Variants in PTGER3 observed in about 807,000 individuals in gnomAD.
PTGER3 encodes prostaglandin E receptor 3.
In PTGER3, 22 loss-of-function variants were observed where a neutral mutation model predicts 34.7. The ratio of observed to expected loss-of-function variants is 0.63; its 90% CI spans 0.45 to 0.91. PTGER3 has a LOEUF of 0.91. Among genes scored for constraint, PTGER3 ranks in the 40% least tolerant of loss-of-function variants. The pLI is 0.00. For synonymous variants in PTGER3, 241 were observed against 230.1 expected (o/e 1.05, Z -0.43); for missense variants, 468 against 519.4 (o/e 0.90, Z 0.96).
chr1:71,019,233 A>G lies in PTGER3; in HGVS notation c.898-6749T>C, dbSNP rs1013577983. On this transcript the variant is annotated intron_variant, in intron 1 of 3. Coordinates refer to ENST00000306666, the MANE Select transcript of PTGER3 (RefSeq NM_198719.2). ...GTCATACAAGGGAGAGGGACCAAAG[A>G]AAAAGCAGGATGCTCAGCTAACAGA... 5.3e-5 allele frequency among the ~76,000 whole-genome samples: 8 copies of G among 152,342 alleles called. No individual in the cohort carries two copies. In the East Asian group the frequency reaches 1.2e-3, roughly 22 times the overall value.
intron 4 of PTGER3, among the ~76,000 whole-genome samples, chr1:70,911,251 C>T (rs1647055055): frequency 6.6e-6 from 1 of 150,432 alleles, no homozygotes; most frequent in South Asian, 2.1e-4. Context: ...GATTGGAGAC[C>T]CTTTTCTTCA....
chr1:71,011,968 C>G, intron 2 of PTGER3: 1 of 1,316,714 alleles, frequency 7.6e-7, no homozygotes, highest in Non-Finnish European at 9.7e-7. Context: ...CATAATTAAT[C>G]ACATATTCAG....
chr1:70,940,776 A>C (rs892208161), intron 4 of PTGER3, among the ~76,000 whole-genome samples: 1 of 152,150 alleles, frequency 6.6e-6, no homozygotes, highest in African/African-American at 2.4e-5. Flanking sequence ...ATTCAAGTTG[A>C]TATTTGAGTG....
chr1:70,990,353 TCA>T lies in PTGER3; in HGVS notation c.1078-15967_1078-15966del, dbSNP rs576448927. Among the ~76,000 whole-genome samples the T allele has an allele frequency of 9.5e-3, 1,244 of 130,758 alleles. 18 individuals carry two copies. The highest frequency in any genetic ancestry group is 0.029 in the African/African-American group (1,020 of 34,734). The allele number at this position is 130,758 out of a possible 152,430, so 85.8% of individuals were successfully genotyped here. On this transcript the variant is annotated intron_variant, in intron 2 of 3. Transcript: ENST00000306666. ...GCCTGGGCGACAGAACGAGACTGTCTCACACACACACACACACACACACACAC... is the reference window on the plus strand; with the variant it reads ...GCCTGGGCGACAGAACGAGACTGTCTCACACACACACACACACACACACAC...
chr1:70,863,750 G>A (rs1344746273), intron 4 of PTGER3, among the ~76,000 whole-genome samples: 1 of 151,844 alleles, frequency 6.6e-6, no homozygotes, highest in Non-Finnish European at 1.5e-5. Flanking sequence ...CATTTTGGTA[G>A]CAATAACAAC....
At chr1:71,003,191 C>A (rs868434419) in intron 2 of PTGER3, among the ~76,000 whole-genome samples, 1 of 152,116 alleles carries the variant, frequency 6.6e-6, no homozygotes, top group African/African-American at 2.4e-5. Context: ...ATTTGTAAGA[C>A]GGTCTGTGAC....
chr1:70,879,619 A>C (rs1042043206), intron 4 of PTGER3, among the ~76,000 whole-genome samples: 1 of 151,546 alleles, frequency 6.6e-6, no homozygotes, highest in African/African-American at 2.4e-5. Flanking sequence ...TACCCCTGCT[A>C]TTTTCTGTTT....
intron 2 of PTGER3, among the ~76,000 whole-genome samples, chr1:70,996,530 G>A (rs890905619): frequency 6.6e-6 from 1 of 151,900 alleles, no homozygotes; most frequent in African/African-American, 2.4e-5. Context: ...GCAGTGGCGC[G>A]GCTCACTGCA....
chr1:70,935,537 A>G (rs1343863787), intron 4 of PTGER3, among the ~76,000 whole-genome samples: 1 of 151,930 alleles, frequency 6.6e-6, no homozygotes, highest in Admixed American at 6.6e-5. Flanking sequence ...GTAAGTTCAC[A>G]TTCCTTTTTG....
intron 4 of PTGER3, among the ~76,000 whole-genome samples, chr1:70,933,948 TTGAAGTATGCTC>T (rs1482158045): frequency 6.6e-6 from 1 of 152,106 alleles, no homozygotes; most frequent in African/African-American, 2.4e-5. Flanking sequence ...AATTGAAAAG[TTGAAGTATGCTC>T]TAAGTGCTGA....
chr1:70,951,508 T>C (rs1650757207), downstream of PTGER3: 1 of 152,174 alleles, frequency 6.6e-6, no homozygotes, highest in South Asian at 2.1e-4. Flanking sequence ...TTGTAGGATA[T>C]TTGCATATGA....
intron 2 of PTGER3, among the ~76,000 whole-genome samples, chr1:70,962,897 A>G (rs569618143): frequency 6.6e-6 from 1 of 152,298 alleles, no homozygotes; most frequent in East Asian, 1.9e-4. Flanking sequence ...CATTAACTCA[A>G]AAGTCTGCAG....
At chr1:70,940,839 C>T (rs1409931565) in intron 4 of PTGER3, among the ~76,000 whole-genome samples, 1 of 152,132 alleles carries the variant, frequency 6.6e-6, no homozygotes, top group Non-Finnish European at 1.5e-5. Context: ...TTGTCATTTT[C>T]TTAACAGTCA....
intron 4 of PTGER3, among the ~76,000 whole-genome samples, chr1:70,912,081 G>A (rs1045437474): frequency 2.8e-4 from 43 of 152,038 alleles, no homozygotes; most frequent in African/African-American, 9.9e-4. Flanking sequence ...AATATTGGTG[G>A]ACCTGCATGG....
chr1:70,981,307 CCTTCCTTCCTTTCTTCTTTCTTTCTTT>C (rs1557708463), intron 2 of PTGER3, among the ~76,000 whole-genome samples: 15 of 140,086 alleles, frequency 1.1e-4, no homozygotes, highest in African/African-American at 4.0e-4. Flanking sequence ...TTCCTTCCTT[CCTTCCTTCCTTTCTTCTTTCTTTCTTT>C]CTTTCTTTCT....
intron 2 of PTGER3, chr1:70,953,822 A>G (rs751440306): frequency 2.0e-5 from 21 of 1,034,052 alleles, no homozygotes; most frequent in Middle Eastern, 2.4e-4. Context: ...TAAGCTTGCT[A>G]TAATTTAATA....
intron 4 of PTGER3, among the ~76,000 whole-genome samples, chr1:70,872,719 G>A (rs1646189158): frequency 1.3e-5 from 2 of 152,150 alleles, no homozygotes; most frequent in African/African-American, 4.8e-5. Context: ...AACAAAAATT[G>A]TTCTCATAGT....
At chr1:71,011,000 G>A in intron 2 of PTGER3, 3 of 985,746 alleles carry the variant, frequency 3.0e-6, no homozygotes, top group Non-Finnish European at 3.6e-6. Context: ...ACAATAAAAA[G>A]TTAATGGGTT....
intron 1 of PTGER3, among the ~76,000 whole-genome samples, chr1:71,044,301 G>C (rs933753304): frequency 3.3e-5 from 5 of 151,314 alleles, no homozygotes; most frequent in African/African-American, 1.2e-4. Flanking sequence ...GCCAGGTGTG[G>C]TGGCGGGCGC....
Sources: allele counts gnomAD v4.1 joint callset (sites outside exome capture counted in the v4.1 genomes callset), GRCh38; gene constraint gnomAD v4.1.1; transcripts MANE v1.5; gene names NCBI Gene and HGNC (gene_info 2026-07-23, HGNC 2026-07-21).